The following NOTCH2NLA variants were observed in gnomAD, a reference collection of about 807,000 sequenced individuals.
NOTCH2NLA encodes the protein notch 2 N-terminal like A.
At chr1:146,159,393 G>GAGAGAGAAAGAA (rs1553803701) in intron 3 of NOTCH2NLA, among the ~76,000 whole-genome samples, 8 of 111,154 alleles carry the variant, frequency 7.2e-5, no homozygotes, top group South Asian at 6.5e-4. Flanking sequence ...GAGAAAGAGA[G>GAGAGAGAAAGAA]AGAAAGAAAG....
At chr1:146,154,001 C>A (rs1772525), downstream of NOTCH2NLA, 1 of 104,378 alleles carries the variant, frequency 9.6e-6, no homozygotes, top group Non-Finnish European at 2.0e-5. Context: ...ATCTGCACAA[C>A]GCCATACACA....
intron 2 of NOTCH2NLA, among the ~76,000 whole-genome samples, chr1:146,183,051 AC>A (rs1662617864): frequency 1.0e-5 from 1 of 99,902 alleles, no homozygotes; most frequent in Non-Finnish European, 2.4e-5. Flanking sequence ...ACAACTACAT[AC>A]AAACATTATT....
At chr1:146,186,991 G>A (rs1176308006) in intron 2 of NOTCH2NLA, among the ~76,000 whole-genome samples, 2 of 130,912 alleles carry the variant, frequency 1.5e-5, no homozygotes, top group Admixed American at 8.0e-5. Context: ...TAAGCCCCAC[G>A]TGCATTAGGT....
chr1:146,159,227 G>A (rs10797645), intron 3 of NOTCH2NLA, among the ~76,000 whole-genome samples: 3 of 151,116 alleles, frequency 2.0e-5, no homozygotes, highest in Non-Finnish European at 3.0e-5. Context: ...GCTTCATAGC[G>A]CATGCCTGTA....
At chr1:146,172,731 C>T (rs1331193010) in intron 2 of NOTCH2NLA, among the ~76,000 whole-genome samples, 6 of 151,822 alleles carry the variant, frequency 4.0e-5, no homozygotes, top group African/African-American at 1.4e-4. Context: ...TACATTGTCT[C>T]CGCTGGTATG....
chr1:146,223,981 A>AT (rs1199750235), intron 1 of NOTCH2NLA, among the ~76,000 whole-genome samples: 8 of 141,776 alleles, frequency 5.6e-5, no homozygotes, highest in South Asian at 4.5e-4. Context: ...TGTAGCACAG[A>AT]CCTGGCCCTC....
At chr1:146,227,924 G>A (rs1571352612) in intron 1 of NOTCH2NLA, among the ~76,000 whole-genome samples, 1 of 29,072 alleles carries the variant, frequency 3.4e-5, no homozygotes, top group East Asian at 4.4e-4. Flanking sequence ...CCAGGTTGGA[G>A]GAATTGGTGA....
intron 2 of NOTCH2NLA, among the ~76,000 whole-genome samples, chr1:146,185,989 A>G (rs1281947780): frequency 1.5e-5 from 2 of 135,592 alleles, no homozygotes; most frequent in African/African-American, 2.5e-5. Flanking sequence ...CTAGGTACAC[A>G]TTATTTTTGC....
chr1:146,176,586 C>T (rs1553808194), intron 2 of NOTCH2NLA, among the ~76,000 whole-genome samples: 1 of 137,862 alleles, frequency 7.3e-6, no homozygotes, highest in African/African-American at 2.5e-5. Flanking sequence ...ATCTCAAGCT[C>T]TCTCCTTTAT....
chr1:146,228,423 G>GCTGCC (rs1265451453), intron 1 of NOTCH2NLA: 5 of 865,342 alleles, frequency 5.8e-6, no homozygotes. Flanking sequence ...TCTGAGACTT[G>GCTGCC]CTGCCGGCCT....
chr1:146,159,393 G>GAGAAAGAA (rs201617510), intron 3 of NOTCH2NLA, among the ~76,000 whole-genome samples: 14,710 of 110,480 alleles, frequency 0.13, 623 homozygotes, highest in East Asian at 0.16. Context: ...GAGAAAGAGA[G>GAGAAAGAA]AGAAAGAAAG....
At chr1:146,224,465 AAAAG>A (rs1304664541) in intron 1 of NOTCH2NLA, among the ~76,000 whole-genome samples, 2 of 34,510 alleles carry the variant, frequency 5.8e-5, no homozygotes, top group African/African-American at 2.7e-4. Flanking sequence ...AGTGATCAGA[AAAAG>A]AAAGAAAGAA....
exon 1 of NOTCH2NLA, chr1:146,228,993 C>G (rs782125607): frequency 6.5e-6 from 9 of 1,390,696 alleles, no homozygotes; most frequent in East Asian, 5.4e-5. Flanking sequence ...AGCCGCCGCC[C>G]GAAGTTTGGC....
intron 3 of NOTCH2NLA, among the ~76,000 whole-genome samples, chr1:146,159,404 AAAG>A (rs1661356118): frequency 7.5e-6 from 1 of 133,736 alleles, no homozygotes; most frequent in Admixed American, 7.5e-5. Context: ...AGAAAGAAAG[AAAG>A]AAAGAAAGAA....
downstream of NOTCH2NLA, among the ~76,000 whole-genome samples, chr1:146,151,488 C>G (rs1237219517): frequency 1.2e-5 from 1 of 83,046 alleles, no homozygotes; most frequent in Non-Finnish European, 2.2e-5. Flanking sequence ...CCACGTATCT[C>G]CCACTCCATC....
intron 2 of NOTCH2NLA, among the ~76,000 whole-genome samples, chr1:146,184,998 C>T (rs1662693864): frequency 7.6e-6 from 1 of 130,888 alleles, no homozygotes; most frequent in African/African-American, 2.5e-5. Context: ...AAATCTATCA[C>T]CCACAATGTC....
At chr1:146,162,415 C>G (rs1661557097) in intron 3 of NOTCH2NLA, among the ~76,000 whole-genome samples, 2 of 147,770 alleles carry the variant, frequency 1.4e-5, no homozygotes, top group South Asian at 4.4e-4. Flanking sequence ...AGTGTGTCAA[C>G]TTGATTGAAT....
At chr1:146,180,968 C>T (rs1306866360) in intron 2 of NOTCH2NLA, among the ~76,000 whole-genome samples, 2 of 82,112 alleles carry the variant, frequency 2.4e-5, no homozygotes, top group African/African-American at 7.5e-5. Context: ...TGCTTAGTCA[C>T]AAAAAAAGGG....
At chr1:146,228,485 C>CGGCGGGGAACCCCGGCTGTT (rs1664319156) in intron 1 of NOTCH2NLA, 1 of 568,756 alleles carries the variant, frequency 1.8e-6, no homozygotes, top group South Asian at 6.8e-5. Context: ...GGAGCAGAGG[C>CGGCGGGGAACCCCGGCTGTT]GGCGGGGAAC....
Sources: allele counts gnomAD v4.1 joint callset (sites outside exome capture counted in the v4.1 genomes callset), GRCh38; gene constraint gnomAD v4.1.1; transcripts MANE v1.5; gene names NCBI Gene and HGNC (gene_info 2026-07-23, HGNC 2026-07-21).